The following CDH4 variants were observed in gnomAD, a reference collection of about 807,000 sequenced individuals.
CDH4 encodes cadherin-4.
In CDH4, 33 loss-of-function variants were observed where a neutral mutation model predicts 86.0. The ratio of observed to expected loss-of-function variants is 0.38; its 90% CI spans 0.29 to 0.51. The LOEUF is 0.51. Ranked by LOEUF, CDH4 falls within the 20% of genes least tolerant of loss-of-function variation. The probability of loss-of-function intolerance (pLI) is 0.86; values close to 1 mark genes in which losing one functional copy is unlikely to be tolerated. For synonymous variants in CDH4, 555 were observed against 549.4 expected (o/e 1.01, Z -0.14); for missense variants, 1,114 against 1,307.4 (o/e 0.85, Z 2.28).
chr20:61,532,196 G>A (rs538827143), intron 2 of CDH4, among the ~76,000 whole-genome samples: 1 of 152,342 alleles, frequency 6.6e-6, no homozygotes, highest in South Asian at 2.1e-4. Flanking sequence ...CCCCACAAAA[G>A]GGGCCACCCA....
At chr20:61,524,954 C>A (rs1600729387) in intron 2 of CDH4, among the ~76,000 whole-genome samples, 1 of 152,208 alleles carries the variant, frequency 6.6e-6, no homozygotes, top group South Asian at 2.1e-4. Context: ...CAACATCTTT[C>A]ATTTAAAAAA....
intron 2 of CDH4, among the ~76,000 whole-genome samples, chr20:61,506,964 C>T (rs919561576): frequency 2.6e-5 from 4 of 152,214 alleles, no homozygotes; most frequent in Admixed American, 2.6e-4. Flanking sequence ...ATGCCCCAGG[C>T]TGCTGGAAGA....
chr20:61,347,734 C>T (rs6028140), intron 2 of CDH4, among the ~76,000 whole-genome samples: 30,188 of 152,194 alleles, frequency 0.2, 2,999 homozygotes, highest in Middle Eastern at 0.35. Context: ...GAAGCGCCAA[C>T]TCGCCTTCTT....
chr20:61,496,025 A>G (rs939901519), intron 2 of CDH4, among the ~76,000 whole-genome samples: 4 of 151,832 alleles, frequency 2.6e-5, no homozygotes, highest in Admixed American at 6.6e-5. Flanking sequence ...TTTTTTCTCT[A>G]GGTATTTCAT....
intron 2 of CDH4, among the ~76,000 whole-genome samples, chr20:61,660,392 C>T (rs2087240002): frequency 1.3e-5 from 2 of 152,218 alleles, no homozygotes; most frequent in Non-Finnish European, 2.9e-5. Context: ...AGACAGAAGT[C>T]AGTGAATGTT....
At chr20:61,418,563 C>A (rs2085159997) in intron 2 of CDH4, among the ~76,000 whole-genome samples, 2 of 152,242 alleles carry the variant, frequency 1.3e-5, no homozygotes, top group South Asian at 4.1e-4. Context: ...CCTCCCCAAA[C>A]CTCTGATTTC....
At chr20:61,773,332 G>A in intron 4 of CDH4, 150 bp downstream of exon 4, 1 of 758,444 alleles carries the variant, frequency 1.3e-6, no homozygotes, top group Admixed American at 3.4e-5. Context: ...GCCTTACACA[G>A]CGCGATGAAA....
At chr20:61,738,050 G>A (rs540448921) in intron 2 of CDH4, among the ~76,000 whole-genome samples, 2 of 152,284 alleles carry the variant, frequency 1.3e-5, no homozygotes, top group Admixed American at 6.5e-5. Context: ...GACAGCAGGT[G>A]TTCCCCTCCC....
intron 2 of CDH4, among the ~76,000 whole-genome samples, chr20:61,629,330 A>T (rs2086862206): frequency 6.6e-6 from 1 of 152,148 alleles, no homozygotes; most frequent in African/African-American, 2.4e-5. Flanking sequence ...AGTCCCTGGG[A>T]GCAGCCGGCA....
chr20:61,807,330 G>A lies in CDH4; in HGVS notation c.576+34148G>A, dbSNP rs1327466580. 6.6e-6 allele frequency among the ~76,000 whole-genome samples: 1 copy of A among 152,238 alleles called. No individual in the cohort carries two copies. The highest frequency in any genetic ancestry group is 1.5e-5 in the Non-Finnish European group (1 of 68,040). On this transcript the variant is annotated intron_variant, in intron 4 of 15. Coordinates refer to ENST00000614565, the MANE Select transcript of CDH4 (RefSeq NM_001794.5). The surrounding 1 kb of genome is among the most constrained non-coding windows in gnomAD (Gnocchi z 4.5). ...CCAGCCTTGCTGTGGCCCCGCTGGG[G>A]TCTTTGGATCTCAGGAGAGTGGGCG...
At chr20:61,933,584 G>A (rs370285328) in intron 14 of CDH4, among the ~76,000 whole-genome samples, 42 of 152,282 alleles carry the variant, frequency 2.8e-4, no homozygotes, top group East Asian at 9.7e-4. Context: ...CCTTAAACCC[G>A]TCTAAAGCTC....
chr20:61,912,354 G>T (rs1196716764), intron 9 of CDH4, among the ~76,000 whole-genome samples: 1 of 152,194 alleles, frequency 6.6e-6, no homozygotes. Flanking sequence ...CAGGATCTGT[G>T]TCTTTTCTCA....
intron 2 of CDH4, among the ~76,000 whole-genome samples, chr20:61,741,183 T>C (rs2145939557): frequency 6.6e-6 from 1 of 152,256 alleles, no homozygotes; most frequent in Admixed American, 6.5e-5. Flanking sequence ...CACTCCAGCC[T>C]GGGCAGCAGA....
At chr20:61,773,872 C>G (rs1457044919) in intron 4 of CDH4, among the ~76,000 whole-genome samples, 2 of 152,108 alleles carry the variant, frequency 1.3e-5, no homozygotes, top group African/African-American at 4.8e-5. Context: ...CATTCTCATT[C>G]TTTGTGCTGT....
rs534996886 is a variant in CDH4 at position 61,885,853 on chromosome 20, C to T, written c.1051-9057C>T. Among the ~76,000 whole-genome samples the T allele has an allele frequency of 1.2e-4, 18 of 152,320 alleles. No homozygotes were observed. In the East Asian group the frequency reaches 3.1e-3, roughly 26 times the overall value. The stretch of plus-strand genomic sequence containing the variant: ...ACCCAGATCTCTGTCTGCTCCATCT[C>T]GCAGCTTCCAAGGGGATGGAGGTTC... On this transcript the variant is annotated intron_variant, in intron 7 of 15. Transcript: ENST00000614565.
chr20:61,523,999 A>G lies in CDH4; in HGVS notation c.170-219564A>G, dbSNP rs977286677. On this transcript the variant is annotated intron_variant, in intron 2 of 15. Transcript: ENST00000614565. ...ACGAATTCACCTATATCTACCCATT[A>G]AAAGACCCAGAAGCCACTTGTGAAC... Among the ~76,000 whole-genome samples, 4 of 152,240 alleles carry G rather than the reference A, an allele frequency of 2.6e-5. No homozygotes were observed. In the South Asian group the frequency reaches 6.2e-4, roughly 24 times the overall value.
At chr20:61,532,599 G>A (rs6061613) in intron 2 of CDH4, among the ~76,000 whole-genome samples, 28,194 of 152,036 alleles carry the variant, frequency 0.19, 3,138 homozygotes, top group East Asian at 0.45. Flanking sequence ...TGCAAGCAGC[G>A]AGTCTGTGAA....
chr20:61,668,771 T>A (rs1213778430), intron 2 of CDH4, among the ~76,000 whole-genome samples: 1 of 152,238 alleles, frequency 6.6e-6, no homozygotes, highest in Non-Finnish European at 1.5e-5. Context: ...TCCAGGCCCC[T>A]GGGCCCTCCA....
chr20:61,662,631 C>T (rs1568741273), intron 2 of CDH4, among the ~76,000 whole-genome samples: 3 of 152,266 alleles, frequency 2.0e-5, no homozygotes, highest in Admixed American at 6.5e-5. Context: ...TCTCGCAGGG[C>T]GTCAAGTGCA....
Sources: gnomAD v4.1 joint callset for allele counts (sites outside exome capture counted in the v4.1 genomes callset) on GRCh38, gnomAD v4.1.1 for gene constraint, Gnocchi (gnomAD v3.1) non-coding constraint, MANE v1.5 for transcripts, NCBI Gene and HGNC (gene_info 2026-07-23, HGNC 2026-07-21) for gene names.